Variants in NAV3 observed in about 807,000 individuals in gnomAD.
NAV3 encodes the protein neuron navigator 3.
Under a neutral mutation model 244.7 loss-of-function variants are expected in NAV3, and 87 were observed. The ratio of observed to expected loss-of-function variants is 0.36; its 90% confidence interval spans 0.30 to 0.42. NAV3 has a LOEUF of 0.42. NAV3 is among the 20% of genes least tolerant of loss of function. The probability of loss-of-function intolerance (pLI) is 1.00; values close to 1 mark genes in which losing one functional copy is unlikely to be tolerated. For missense variants in NAV3, 2,663 were observed against 2,893.3 expected (o/e 0.92, Z 1.83); for synonymous variants, 1,126 against 1,042.2 (o/e 1.08, Z -1.55).
chr12:77,997,678 A>G (rs143246840), intron 6 of NAV3, among the ~76,000 whole-genome samples: 25 of 152,336 alleles, frequency 1.6e-4, no homozygotes, highest in South Asian at 6.2e-4. Flanking sequence ...CAGTTGGCCA[A>G]ACTTGTGAGA....
chr12:77,738,872 C>T (rs1460107286), intron 2 of NAV3, among the ~76,000 whole-genome samples: 1 of 151,958 alleles, frequency 6.6e-6, no homozygotes, highest in Non-Finnish European at 1.5e-5. Context: ...ATTAGCCGGG[C>T]TTGGGGGCGG....
At chr12:77,905,513 A>G (rs1367801978) in intron 1 of NAV3, among the ~76,000 whole-genome samples, 12 of 152,136 alleles carry the variant, frequency 7.9e-5, no homozygotes, top group Admixed American at 7.2e-4. Flanking sequence ...GTCTAAGAGT[A>G]TGAATCTTTG....
At chr12:77,775,836 G>A (rs1870328157) in intron 2 of NAV3, 2 of 152,224 alleles carry the variant, frequency 1.3e-5, no homozygotes, top group Non-Finnish European at 2.9e-5. Context: ...TTTCTTGAGT[G>A]TGATAAAGGT....
chr12:78,029,645 C>T (rs1392388088), intron 9 of NAV3, among the ~76,000 whole-genome samples: 2 of 152,112 alleles, frequency 1.3e-5, no homozygotes, highest in African/African-American at 2.4e-5. Flanking sequence ...ATACAGTGTA[C>T]AGTAACCTTT....
intron 2 of NAV3, among the ~76,000 whole-genome samples, chr12:77,817,239 A>C (rs11106834): frequency 0.038 from 5,713 of 152,254 alleles, 354 homozygotes; most frequent in African/African-American, 0.13. Flanking sequence ...GAGAGCAAGC[A>C]AGCTTTAAGG....
At chr12:77,859,523 A>G (rs1878882034) in intron 1 of NAV3, among the ~76,000 whole-genome samples, 1 of 151,930 alleles carries the variant, frequency 6.6e-6, no homozygotes, top group Non-Finnish European at 1.5e-5. Flanking sequence ...TGATGAAAAG[A>G]CGAGTTAGTG....
chr12:77,686,785 A>G (rs1302524570), intron 2 of NAV3, among the ~76,000 whole-genome samples: 1 of 152,134 alleles, frequency 6.6e-6, no homozygotes, highest in African/African-American at 2.4e-5. Context: ...AACATACACC[A>G]CTGCCTGTTT....
At chr12:78,070,621 A>C (rs2137612918) in intron 12 of NAV3, among the ~76,000 whole-genome samples, 1 of 151,848 alleles carries the variant, frequency 6.6e-6, no homozygotes, top group African/African-American at 2.4e-5. Flanking sequence ...TTACATATGT[A>C]TACATGTGCC....
At chr12:78,169,817 G>A (rs1957930112) in intron 24 of NAV3, among the ~76,000 whole-genome samples, 1 of 151,674 alleles carries the variant, frequency 6.6e-6, no homozygotes, top group Admixed American at 6.6e-5. Context: ...GACAGACATG[G>A]AAACAGCATT....
intron 31 of NAV3, among the ~76,000 whole-genome samples, chr12:78,187,104 A>G (rs1342582327): frequency 1.3e-5 from 2 of 151,972 alleles, no homozygotes; most frequent in Non-Finnish European, 2.9e-5. Flanking sequence ...ATATCATTTC[A>G]TAACAATAGT....
At chr12:77,849,491 C>A (rs1440105240) in intron 1 of NAV3, among the ~76,000 whole-genome samples, 1 of 152,106 alleles carries the variant, frequency 6.6e-6, no homozygotes, top group East Asian at 1.9e-4. Context: ...AAATTCCATA[C>A]CTGATTTCAG....
intron 2 of NAV3, among the ~76,000 whole-genome samples, chr12:77,600,267 T>G (rs1472190254): frequency 6.6e-6 from 1 of 151,986 alleles, no homozygotes; most frequent in African/African-American, 2.4e-5. Context: ...CTCATCTTAT[T>G]TTAGCTCCTT....
intron 2 of NAV3, among the ~76,000 whole-genome samples, chr12:77,793,113 G>A (rs1871256099): frequency 6.6e-6 from 1 of 151,876 alleles, no homozygotes; most frequent in East Asian, 1.9e-4. Context: ...CACTGTAGTT[G>A]AAAAAATATG....
chr12:78,041,006 T>C lies in NAV3; in HGVS notation c.2024-8987T>C, dbSNP rs536125218. Among the ~76,000 whole-genome samples, 3 of 152,348 alleles carry C rather than the reference T, an allele frequency of 2.0e-5. No homozygotes were observed. In the South Asian group the frequency reaches 6.2e-4, roughly 32 times the overall value. On this transcript the variant is annotated intron_variant, in intron 9 of 39. Transcript: ENST00000397909. ...TCTCAGATTATTTGGAAGTGAAAGA[T>C]AGAATTCTTTATAGCCATCTCTGAA... is the stretch of plus-strand genomic sequence containing the variant.
chr12:77,741,831 C>T (rs568057420), intron 2 of NAV3, among the ~76,000 whole-genome samples: 6 of 152,118 alleles, frequency 3.9e-5, no homozygotes, highest in African/African-American at 1.2e-4. Context: ...ATTCCTTTTC[C>T]TGTCTTAATG....
chr12:78,026,109 T>C (rs1392252472), intron 9 of NAV3, among the ~76,000 whole-genome samples: 1 of 152,212 alleles, frequency 6.6e-6, no homozygotes, highest in African/African-American at 2.4e-5. Flanking sequence ...ATTTAAATGA[T>C]CCAGGTCTCT....
chr12:78,099,948 C>T (rs1843198935), intron 12 of NAV3, among the ~76,000 whole-genome samples: 1 of 151,844 alleles, frequency 6.6e-6, no homozygotes, highest in Non-Finnish European at 1.5e-5. Context: ...AAGAGCTTTC[C>T]ATTTTTTGTT....
Position 78,021,703 on chromosome 12 carries a change from T to C in NAV3, c.1908-44T>C, listed in dbSNP as rs56889276. 1,822 of 1,315,964 alleles carry C rather than the reference T, an allele frequency of 1.4e-3. 15 individuals carry two copies. In the African/African-American group the frequency reaches 0.024, roughly 18 times the overall value. The allele number at this position is 1,315,964 out of a possible 1,614,324, so 81.5% of individuals were successfully genotyped here. A position where few individuals can be genotyped will look rare whatever the true frequency, so the allele number is the denominator to read the frequency against. Reference sequence around the variant, plus strand: ...AACTTCCACTTTGATGAGTGACTAGTGACTATAACTGCTATTTCTTTCTAT... The same window carrying C: ...AACTTCCACTTTGATGAGTGACTAGCGACTATAACTGCTATTTCTTTCTAT... On this transcript the variant is annotated intron_variant, in intron 8 of 39. Transcript: ENST00000397909.
chr12:78,198,798 T>C, intron 36 of NAV3, 122 bp downstream of exon 36: 1 of 682,788 alleles, frequency 1.5e-6, no homozygotes, highest in Admixed American at 2.9e-5. Flanking sequence ...ATTTGTACTT[T>C]GACAAATCTT....
Sources: gnomAD v4.1 joint callset for allele counts (sites outside exome capture counted in the v4.1 genomes callset) on GRCh38, gnomAD v4.1.1 for gene constraint, MANE v1.5 for transcripts, NCBI Gene and HGNC (gene_info 2026-07-23, HGNC 2026-07-21) for gene names.